DNAJC11: variants seen among roughly 807,000 people sequenced by gnomAD.
The protein encoded by DNAJC11 is dnaJ homolog subfamily C member 11.
Under a neutral mutation model 78.6 loss-of-function variants are expected in DNAJC11, and 15 were observed. That is an observed-to-expected ratio of 0.19 (90% CI 0.13 to 0.29). DNAJC11 has a LOEUF of 0.29. Among genes scored for constraint, DNAJC11 ranks in the 10% least tolerant of loss-of-function variants. DNAJC11 has a pLI of 1.00. For synonymous variants in DNAJC11, 292 were observed against 272.1 expected (o/e 1.07, Z -0.72); for missense variants, 547 against 709.6 (o/e 0.77, Z 2.60).
Position 6,638,446 on chromosome 1 carries a change from C to G in DNAJC11, c.1254-82G>C, listed in dbSNP as rs545423666. 2.9e-6 allele frequency: 4 copies of G among 1,358,386 alleles called. No homozygotes were observed. The South Asian group carries it at 5.2e-5, about 18-fold the overall frequency. 84.1% of individuals were successfully genotyped at this position (1,358,386 alleles called of 1,614,324 possible). ...AACACAGCCCCTCCCGTGCTGGACCCGAGCCCAGCAAACAGTCTGTGATCT... is the reference window on the plus strand; with the variant it reads ...AACACAGCCCCTCCCGTGCTGGACCGGAGCCCAGCAAACAGTCTGTGATCT... On this transcript the variant is annotated intron_variant, in intron 11 of 15. Coordinates refer to ENST00000377577, the MANE Select transcript of DNAJC11 (RefSeq NM_018198.4).
intron 14 of DNAJC11, 56 bp from the exon 15 acceptor site, chr1:6,636,302 CTCCTCACTACCACCGGA>C: frequency 6.2e-7 from 1 of 1,601,602 alleles, no homozygotes; most frequent in Non-Finnish European, 8.5e-7. Context: ...ACCAGCACTC[CTCCTCACTACCACCGGA>C]GGGGCAGTGT....
intron 7 of DNAJC11, among the ~76,000 whole-genome samples, chr1:6,646,615 A>G (rs569542197): frequency 6.6e-6 from 1 of 152,356 alleles, no homozygotes; most frequent in East Asian, 1.9e-4. Context: ...TACTAGTGAC[A>G]GAAACTACAG....
At position 6,653,971 on chromosome 1, in the gene DNAJC11, C is replaced by T; in HGVS notation, c.447G>A (p.Val149=). The T allele has an allele frequency of 6.2e-7, 1 of 1,613,656 alleles. No homozygotes were observed. Among genetic ancestry groups the T allele is most frequent in the Non-Finnish European group, 8.5e-7 (1 of 1,179,680 alleles). ...FDRYDEEYED[V]SGSSFPQIEI... ...CAATCTGCGGAAAGCTACTGCCGGA[C>T]ACATCTTCATACTCCTCATCATAGC... The change falls in exon 5 of 16, where the codon GTG becomes GTA. Residue 149 remains valine (V), a synonymous_variant. Transcript: ENST00000377577. This position sits in a 1 kb window ranked among gnomAD's most constrained non-coding sequence, Gnocchi z 4.5.
At chr1:6,646,680 A>G (rs1641971500) in intron 7 of DNAJC11, among the ~76,000 whole-genome samples, 1 of 152,132 alleles carries the variant, frequency 6.6e-6, no homozygotes, top group South Asian at 2.1e-4. Context: ...GTTTCTTTCC[A>G]AGGGAGTCCA....
At chr1:6,656,473 G>A (rs565291525) in intron 4 of DNAJC11, among the ~76,000 whole-genome samples, 1 of 152,112 alleles carries the variant, frequency 6.6e-6, no homozygotes, top group African/African-American at 2.4e-5. Flanking sequence ...GACAATACCT[G>A]TCAAAATACT....
intron 6 of DNAJC11, 131 bp from the exon 7 acceptor site, chr1:6,651,733 G>A (rs907196064): frequency 1.7e-5 from 12 of 689,580 alleles, no homozygotes; most frequent in Non-Finnish European, 3.0e-5. Flanking sequence ...CTAAAAGAAG[G>A]GGGTGGAAGA....
intron 3 of DNAJC11, among the ~76,000 whole-genome samples, chr1:6,677,734 A>T (rs942188356): frequency 6.6e-6 from 1 of 152,262 alleles, no homozygotes; most frequent in African/African-American, 2.4e-5. Context: ...CTCTACTGCT[A>T]GTCAGTGGCA....
At chr1:6,668,622 C>CG (rs1203677460) in intron 3 of DNAJC11, among the ~76,000 whole-genome samples, 3 of 151,862 alleles carry the variant, frequency 2.0e-5, no homozygotes, top group Non-Finnish European at 4.4e-5. Flanking sequence ...GTTGTAGAAA[C>CG]GGGGTCTTGC....
chr1:6,637,102 G>A lies in DNAJC11; in HGVS notation c.1524+96C>T, dbSNP rs1557463333. 2.7e-6 allele frequency: 4 copies of A among 1,507,854 alleles called. No individual in the cohort carries two copies. The Admixed American group carries it at 7.0e-5, about 26-fold the overall frequency. 93.4% of individuals were successfully genotyped at this position (1,507,854 alleles called of 1,614,324 possible). On this transcript the variant is annotated intron_variant, in intron 14 of 15. Coordinates refer to ENST00000377577, the MANE Select transcript of DNAJC11 (RefSeq NM_018198.4). The stretch of plus-strand genomic sequence containing the variant: ...TGGGCTCAAGCAATCCGCCCACCTT[G>A]GCCTTCCAAAGTGCTAGGATTATAG...
At position 6,698,818 on chromosome 1, in the gene DNAJC11, T is replaced by G. The variant is rs775822146; in HGVS notation, c.72+2911A>C. ...TCAGCCAGCTGTGGTGGTGTGTGCCTGTAATACCAGCTACTCTGGTGGCTG... is the reference window on the plus strand; with the variant it reads ...TCAGCCAGCTGTGGTGGTGTGTGCCGGTAATACCAGCTACTCTGGTGGCTG... On this transcript the variant is annotated intron_variant, in intron 1 of 15. Transcript: ENST00000377577. Among the ~76,000 whole-genome samples the G allele has an allele frequency of 1.3e-4, 19 of 150,596 alleles. 1 individual carries two copies. The South Asian group carries it at 4.0e-3, about 32-fold the overall frequency.
At position 6,634,215 on chromosome 1, in the gene DNAJC11, G is replaced by A. The variant is rs545120514; in HGVS notation, c.*1460C>T. 4 of 958,536 alleles carry A rather than the reference G, an allele frequency of 4.2e-6. No homozygotes were observed. Among genetic ancestry groups the A allele is most frequent in the Admixed American group, 2.7e-5 (1 of 37,676 alleles). The allele number at this position is 958,536 out of a possible 1,614,324, so 59.4% of individuals were successfully genotyped here. On this transcript the variant is annotated 3_prime_UTR_variant, in exon 16 of 16. Transcript: ENST00000377577. ...TGTGGTGAGTGCCTTCTGTACAGTCGACTGCAAATGAAACGCAGAGGATGG... is the reference window on the plus strand; with the variant it reads ...TGTGGTGAGTGCCTTCTGTACAGTCAACTGCAAATGAAACGCAGAGGATGG...
intron 1 of DNAJC11, among the ~76,000 whole-genome samples, chr1:6,690,805 T>A (rs537204787): frequency 6.6e-6 from 1 of 152,282 alleles, no homozygotes; most frequent in South Asian, 2.1e-4. Context: ...GCGCCTGTAG[T>A]CCCAGCTACT....
At chr1:6,698,715 G>A (rs2147889278) in intron 1 of DNAJC11, among the ~76,000 whole-genome samples, 1 of 151,992 alleles carries the variant, frequency 6.6e-6, no homozygotes. Context: ...GCTGAGATGG[G>A]TGGACTGCTT....
chr1:6,659,663 A>T (rs556892894), intron 4 of DNAJC11, among the ~76,000 whole-genome samples: 1 of 152,252 alleles, frequency 6.6e-6, no homozygotes, highest in South Asian at 2.1e-4. Context: ...TCGGAGGCTG[A>T]GGCAGAAGAA....
Position 6,677,325 on chromosome 1 carries a change from C to T in DNAJC11, c.276+1069G>A, listed in dbSNP as rs369847889. Among the ~76,000 whole-genome samples, 34 of 152,200 alleles carry T rather than the reference C, an allele frequency of 2.2e-4. 1 individual carries two copies. The East Asian group carries it at 2.3e-3, about 10-fold the overall frequency. The stretch of plus-strand genomic sequence containing the variant: ...CTTTTTTTTGTGAGACAGGGTCTTG[C>T]TCTGTTGCCCACGTTAGAGTGTAGT... On this transcript the variant is annotated intron_variant, in intron 3 of 15. Coordinates refer to ENST00000377577, the MANE Select transcript of DNAJC11 (RefSeq NM_018198.4).
chr1:6,642,202 G>A (rs534568148), intron 10 of DNAJC11, among the ~76,000 whole-genome samples: 42 of 152,284 alleles, frequency 2.8e-4, no homozygotes, highest in African/African-American at 8.9e-4. Context: ...AGGCTCCAAA[G>A]TCTCTGAAGG....
At chr1:6,689,515 A>G (rs970301991) in intron 1 of DNAJC11, among the ~76,000 whole-genome samples, 4 of 152,074 alleles carry the variant, frequency 2.6e-5, no homozygotes, top group Non-Finnish European at 5.9e-5. Context: ...AGACTTAAAA[A>G]GGGGGCTCAC....
intron 3 of DNAJC11, chr1:6,670,409 T>G (rs576051399): frequency 3.9e-5 from 6 of 152,218 alleles, no homozygotes; most frequent in African/African-American, 1.4e-4. Flanking sequence ...TGTGCGCATA[T>G]GCACGTGCAC....
intron 1 of DNAJC11, among the ~76,000 whole-genome samples, chr1:6,689,880 G>A (rs1028230652): frequency 1.3e-4 from 20 of 152,176 alleles, no homozygotes; most frequent in African/African-American, 3.4e-4. Context: ...GGACCGAGAC[G>A]CATCACAGAG....
Sources: gnomAD v4.1 joint callset for allele counts (sites outside exome capture counted in the v4.1 genomes callset) on GRCh38, gnomAD v4.1.1 for gene constraint, Gnocchi (gnomAD v3.1) non-coding constraint, MANE v1.5 for transcripts, NCBI Gene and HGNC (gene_info 2026-07-23, HGNC 2026-07-21) for gene names.